Variants in CMSS1 observed in about 807,000 individuals in gnomAD.
CMSS1 encodes cms1 ribosomal small subunit homolog.
Under a neutral mutation model 43.5 loss-of-function variants are expected in CMSS1, and 33 were observed. The ratio of observed to expected loss-of-function variants is 0.76; its 90% confidence interval spans 0.57 to 1.01. CMSS1 has a LOEUF of 1.01. Among genes scored for constraint, CMSS1 ranks in the 50% least tolerant of loss-of-function variants. The pLI is 0.00. For missense variants in CMSS1, 313 were observed against 326.4 expected (o/e 0.96, Z 0.32); for synonymous variants, 115 against 117.2 (o/e 0.98, Z 0.12).
At chr3:100,142,204 G>A (rs892560000) in intron 1 of CMSS1, among the ~76,000 whole-genome samples, 1 of 152,078 alleles carries the variant, frequency 6.6e-6, no homozygotes, top group Non-Finnish European at 1.5e-5. Flanking sequence ...AGTTTTTGTT[G>A]CATAAGTGCC....
chr3:100,157,948 A>G (rs2066990829), intron 2 of CMSS1, among the ~76,000 whole-genome samples: 1 of 152,194 alleles, frequency 6.6e-6, no homozygotes, highest in Admixed American at 6.5e-5. Context: ...CGAGCAGGTC[A>G]AAGACTTACT....
intron 1 of CMSS1, among the ~76,000 whole-genome samples, chr3:99,968,143 G>C (rs539347157): frequency 6.6e-6 from 1 of 152,134 alleles, no homozygotes. Context: ...TGGCAATTTA[G>C]GGAAGGTACC....
At chr3:100,018,757 CAG>C (rs1710418221) in intron 1 of CMSS1, among the ~76,000 whole-genome samples, 1 of 140,658 alleles carries the variant, frequency 7.1e-6, no homozygotes, top group Non-Finnish European at 1.5e-5. Context: ...AAAAAATCAA[CAG>C]AGTGAAAAGG....
In CMSS1 at chr3:100,058,827, T is replaced by G. The variant is rs113367742; in HGVS notation, c.65-88146T>G. 1.8e-3 allele frequency among the ~76,000 whole-genome samples: 281 copies of G among 152,338 alleles called. 1 individual carries two copies. The highest frequency in any genetic ancestry group is 6.5e-3 in the African/African-American group (270 of 41,582). On this transcript the variant is annotated intron_variant, in intron 1 of 9. Transcript: ENST00000421999. ...TCTCTTCTGGAGCCACAGTTTCATA[T>G]GTGAAGTTTAAAATAAAGTTTAGTA...
intron 1 of CMSS1, among the ~76,000 whole-genome samples, chr3:99,946,386 A>G (rs1383029092): frequency 6.6e-6 from 1 of 152,244 alleles, no homozygotes; most frequent in African/African-American, 2.4e-5. Context: ...TTTTCATCCT[A>G]GAAAGGGTGT....
intron 1 of CMSS1, chr3:99,851,100 T>C (rs1349209225): frequency 4.6e-6 from 7 of 1,520,904 alleles, no homozygotes; most frequent in Non-Finnish European, 6.1e-6. Flanking sequence ...TTTTATTTTG[T>C]GATTGATGCT....
At chr3:100,033,070 A>G (rs879587198) in intron 1 of CMSS1, among the ~76,000 whole-genome samples, 8 of 152,162 alleles carry the variant, frequency 5.3e-5, no homozygotes, top group Non-Finnish European at 8.8e-5. Flanking sequence ...ACCAAAAAAA[A>G]AAAAGAATTC....
chr3:99,847,577 C>G (rs1206620461), intron 1 of CMSS1, among the ~76,000 whole-genome samples: 2 of 152,074 alleles, frequency 1.3e-5, no homozygotes, highest in Non-Finnish European at 2.9e-5. Context: ...CTCATGAAAA[C>G]CAAAATTATT....
chr3:100,144,939 A>T (rs2107511084), intron 1 of CMSS1, among the ~76,000 whole-genome samples: 1 of 152,102 alleles, frequency 6.6e-6, no homozygotes, highest in Non-Finnish European at 1.5e-5. Flanking sequence ...TATTTTTTTT[A>T]AATATGTAAT....
intron 1 of CMSS1, among the ~76,000 whole-genome samples, chr3:99,972,929 A>G (rs1264957768): frequency 1.3e-5 from 2 of 152,252 alleles, no homozygotes; most frequent in African/African-American, 4.8e-5. Flanking sequence ...GGAAGTAAAC[A>G]CATCAGCAAA....
chr3:99,843,574 G>A (rs1353734673), intron 1 of CMSS1, among the ~76,000 whole-genome samples: 1 of 152,038 alleles, frequency 6.6e-6, no homozygotes, highest in Non-Finnish European at 1.5e-5. Flanking sequence ...CCCACTGTGA[G>A]TTGAAAATAT....
At chr3:100,042,250 A>G (rs554296547) in intron 1 of CMSS1, among the ~76,000 whole-genome samples, 1 of 152,360 alleles carries the variant, frequency 6.6e-6, no homozygotes, top group South Asian at 2.1e-4. Context: ...TTAAACAAAC[A>G]GAATGATCCA....
At chr3:99,999,838 AC>A (rs1429760790) in intron 1 of CMSS1, among the ~76,000 whole-genome samples, 10 of 152,212 alleles carry the variant, frequency 6.6e-5, no homozygotes, top group African/African-American at 1.7e-4. Flanking sequence ...ATTTAAAAAA[AC>A]AAAACAAAAC....
At chr3:99,823,295 T>C (rs748866415) in intron 1 of CMSS1, among the ~76,000 whole-genome samples, 3 of 152,216 alleles carry the variant, frequency 2.0e-5, no homozygotes, top group Non-Finnish European at 2.9e-5. Context: ...GCTTAACATA[T>C]GTGGCTGCCT....
chr3:99,821,739 A>C (rs570487265), intron 1 of CMSS1, among the ~76,000 whole-genome samples: 1 of 152,198 alleles, frequency 6.6e-6, no homozygotes, highest in Non-Finnish European at 1.5e-5. Context: ...TCGTGACTTA[A>C]GGAAGAGAGC....
intron 1 of CMSS1, among the ~76,000 whole-genome samples, chr3:99,989,684 AT>A (rs201683932): frequency 4.1e-4 from 24 of 58,388 alleles, no homozygotes; most frequent in African/African-American, 8.1e-4. Flanking sequence ...ATATATATAT[AT>A]TTTTTTTCTT....
chr3:99,956,970 C>A (rs1262695818), intron 1 of CMSS1, among the ~76,000 whole-genome samples: 3 of 152,206 alleles, frequency 2.0e-5, no homozygotes, highest in African/African-American at 4.8e-5. Flanking sequence ...GGTCTTCCTA[C>A]CTATTTCTGT....
intron 1 of CMSS1, among the ~76,000 whole-genome samples, chr3:99,822,356 A>G (rs1309204591): frequency 6.6e-6 from 1 of 152,214 alleles, no homozygotes; most frequent in African/African-American, 2.4e-5. Context: ...ATCTTTGATG[A>G]CATCTCTTCC....
chr3:99,879,291 T>TA (rs776884568), intron 1 of CMSS1, among the ~76,000 whole-genome samples: 1 of 152,238 alleles, frequency 6.6e-6, no homozygotes, highest in Non-Finnish European at 1.5e-5. Flanking sequence ...TTAGCCATAT[T>TA]ATATTATGTC....
Sources: gnomAD v4.1 joint callset for allele counts (sites outside exome capture counted in the v4.1 genomes callset) on GRCh38, gnomAD v4.1.1 for gene constraint, MANE v1.5 for transcripts, NCBI Gene and HGNC (gene_info 2026-07-23, HGNC 2026-07-21) for gene names.